The following PCM1 variants were observed in gnomAD, a reference collection of about 807,000 sequenced individuals.
The protein encoded by PCM1 is pericentriolar material 1 protein.
PCM1 carries 157 observed loss-of-function variants against 241.9 expected under a neutral mutation model. The ratio of observed to expected loss-of-function variants is 0.65; its 90% CI spans 0.57 to 0.74. The LOEUF is 0.74. Ranked by LOEUF, PCM1 falls within the 30% of genes least tolerant of loss-of-function variation. The pLI is 0.00. For synonymous variants in PCM1, 1,085 were observed against 784.9 expected, an observed-to-expected ratio of 1.38 and a Z score of -6.39; for missense variants, 3,478 against 2,360.1, an observed-to-expected ratio of 1.47 and a Z score of -9.81.
Position 17,955,460 on chromosome 8 carries a change from C to A in PCM1, c.1289-10C>A, listed in dbSNP as rs374339006. ...TTAAAAAAAATTTTTTGTTGTTGTGCCTTCTTCAGCCTCTCCACAAAGGAG... is the reference window on the plus strand; with the variant it reads ...TTAAAAAAAATTTTTTGTTGTTGTGACTTCTTCAGCCTCTCCACAAAGGAG... On this transcript the variant is annotated splice_polypyrimidine_tract_variant and intron_variant, in intron 9 of 38. Coordinates refer to ENST00000325083, the MANE Select transcript of PCM1 (RefSeq NM_006197.4). 6.4e-7 allele frequency: 1 copy of A among 1,554,080 alleles called. No homozygotes were observed. Among genetic ancestry groups the A allele is most frequent in the Non-Finnish European group, 8.7e-7 (1 of 1,151,608 alleles).
chr8:18,012,160 A>G (rs2092611235), intron 34 of PCM1, among the ~76,000 whole-genome samples: 1 of 152,108 alleles, frequency 6.6e-6, no homozygotes, highest in African/African-American at 2.4e-5. Context: ...ACACCCATCC[A>G]ATAATTTATA....
intron 13 of PCM1, among the ~76,000 whole-genome samples, chr8:17,958,247 G>T (rs1447487616): frequency 6.6e-6 from 1 of 152,104 alleles, no homozygotes; most frequent in African/African-American, 2.4e-5. Context: ...TTATATGACT[G>T]TCCAATCCAG....
chr8:17,944,309 C>T (rs1014651275), intron 6 of PCM1, among the ~76,000 whole-genome samples: 1 of 152,084 alleles, frequency 6.6e-6, no homozygotes, highest in Non-Finnish European at 1.5e-5. Context: ...ACCTGATTTC[C>T]CTTAACTGTG....
intron 30 of PCM1, among the ~76,000 whole-genome samples, chr8:18,008,658 CTAAT>C (rs1475252215): frequency 6.6e-6 from 1 of 152,084 alleles, no homozygotes; most frequent in Non-Finnish European, 1.5e-5. Flanking sequence ...TTACAACAGT[CTAAT>C]TAGTTGAGGT....
In PCM1 at chr8:18,014,624, T is replaced by G. The variant is rs147450536; in HGVS notation, c.5625T>G (p.Asn1875Lys). The stretch of plus-strand genomic sequence containing the variant: ...GTCCTGTGAAACCCTGTTACCTCAA[T>G]ATCTTGGAAGATGAGCAACCTTTAA... ...NNCPVKPCYLNILEDEQPLNS... is the reference protein window; with the variant it reads ...NNCPVKPCYLKILEDEQPLNS... The change falls in exon 36 of 39, where the codon AAT becomes AAG. Residue 1875 changes from asparagine (N) to lysine (K), a missense_variant. Physicochemically the swap from Asn to Lys is moderately conservative, Grantham distance 94. Coordinates refer to ENST00000325083, the MANE Select transcript of PCM1 (RefSeq NM_006197.4). 1,347 of 1,613,020 alleles carry G rather than the reference T, an allele frequency of 8.4e-4. 7 individuals are homozygous for G. The African/African-American group carries it at 0.014, about 17-fold the overall frequency.
chr8:17,938,991 T>G lies in PCM1; in HGVS notation c.594T>G (p.Pro198=), dbSNP rs985959329. 3.7e-6 allele frequency: 6 copies of G among 1,613,574 alleles called. No homozygotes were observed. The African/African-American group carries it at 8.0e-5, about 22-fold the overall frequency. ...CTGAAGAAGATGGGAGGGGAGAACCTGCAATGGAGAGCAGCCAGGTGATAA... is the reference window on the plus strand; with the variant it reads ...CTGAAGAAGATGGGAGGGGAGAACCGGCAATGGAGAGCAGCCAGGTGATAA... ...QVSEEDGRGE[P]AMESSQIVSR... The change falls in exon 5 of 39, where the codon CCT becomes CCG. Residue 198 remains proline (P), a synonymous_variant. Coordinates refer to ENST00000325083, the MANE Select transcript of PCM1 (RefSeq NM_006197.4).
chr8:17,966,352 C>T lies in PCM1; in HGVS notation c.3100C>T (p.Leu1034Phe). The change falls in exon 20 of 39, where the codon CTT becomes TTT. Residue 1034 changes from leucine to phenylalanine, a missense_variant. Leu to Phe is a conservative substitution (Grantham distance 22). Transcript: ENST00000325083. ...QQTLSCLLQTLLTGPYSVMPS... is the reference protein window; with the variant it reads ...QQTLSCLLQTFLTGPYSVMPS... The stretch of plus-strand genomic sequence containing the variant: ...GACTCTATCTTGTCTGCTACAAACT[C>T]TTCTCACGGGTCCTTACAGTGTTAT... 1 of 1,613,852 alleles carries T rather than the reference C, an allele frequency of 6.2e-7. No individual in the cohort carries two copies.
At chr8:17,935,823 T>C in intron 3 of PCM1, 117 bp downstream of exon 3, 1 of 584,546 alleles carries the variant, frequency 1.7e-6, no homozygotes, top group South Asian at 2.5e-5. Context: ...GCCAAGACAT[T>C]AAGGGACCCT....
In PCM1 at chr8:17,935,655, G is replaced by C. The variant is rs2060200058; in HGVS notation, c.45G>C (p.Gln15His). ...CCTTTGAAGATGGCATGAATGATCA[G>C]GATTTACCAAACTGGAGTAATGAGA... is the stretch of plus-strand genomic sequence containing the variant. Reference protein sequence around the residue: ...GGPFEDGMNDQDLPNWSNENV... With the variant: ...GGPFEDGMNDHDLPNWSNENV... Residue 15 changes from glutamine to histidine, a missense_variant, in exon 3 of 39, where the codon CAG becomes CAC. Transcript: ENST00000325083. The C allele has an allele frequency of 1.3e-6, 2 of 1,570,194 alleles. No individual in the cohort carries two copies. Among genetic ancestry groups the C allele is most frequent in the South Asian group, 2.2e-5 (2 of 89,956 alleles).
intron 24 of PCM1, among the ~76,000 whole-genome samples, chr8:17,983,000 A>G (rs1363729000): frequency 6.6e-6 from 1 of 152,216 alleles, no homozygotes; most frequent in African/African-American, 2.4e-5. Context: ...AATGAATGAT[A>G]GAAGTTTATT....
chr8:17,962,101 C>T lies in PCM1; in HGVS notation c.2390C>T (p.Thr797Ile), dbSNP rs756563788. ...ATGCCAGCTGTTACTTCAACCCCAA[C>T]TGTTAATCAACACGAGACCAGTACA... ...KYMPAVTSTP[T>I]VNQHETSTSK... Residue 797 changes from threonine (T) to isoleucine (I), a missense_variant, in exon 16 of 39, where the codon ACT becomes ATT. Coordinates refer to ENST00000325083, the MANE Select transcript of PCM1 (RefSeq NM_006197.4). The T allele has an allele frequency of 4.9e-5, 79 of 1,611,586 alleles. No homozygotes were observed. The highest frequency in any genetic ancestry group is 1.6e-4 in the Middle Eastern group (1 of 6,078).
chr8:18,013,882 C>G, intron 34 of PCM1, 82 bp from the exon 35 acceptor site: 2 of 807,420 alleles, frequency 2.5e-6, no homozygotes, highest in Non-Finnish European at 3.9e-6. Context: ...TTGGGTTGGA[C>G]AAAAACTACA....
At position 18,027,736 on chromosome 8, in the gene PCM1, T is replaced by A. The variant is rs1370179217; in HGVS notation, c.*74T>A. The A allele has an allele frequency of 9.5e-7, 1 of 1,056,942 alleles. No individual in the cohort carries two copies. Among genetic ancestry groups the A allele is most frequent in the Non-Finnish European group, 1.4e-6 (1 of 714,700 alleles). The allele number at this position is 1,056,942 out of a possible 1,614,324, so 65.5% of individuals were successfully genotyped here. Reference sequence around the variant, plus strand: ...ATATGAAAACAATACTAAATAAACATCTGATCTGTATAAAAATGTAAATTA... The same window carrying A: ...ATATGAAAACAATACTAAATAAACAACTGATCTGTATAAAAATGTAAATTA... On this transcript the variant is annotated 3_prime_UTR_variant, in exon 39 of 39. Transcript: ENST00000325083.
intron 21 of PCM1, among the ~76,000 whole-genome samples, chr8:17,967,715 G>A (rs2075424371): frequency 6.6e-6 from 1 of 152,228 alleles, no homozygotes; most frequent in Non-Finnish European, 1.5e-5. Flanking sequence ...AAGAGAACCT[G>A]TTCAATGGCT....
intron 1 of PCM1, among the ~76,000 whole-genome samples, chr8:17,923,967 C>A (rs191856134): frequency 6.0e-4 from 91 of 151,788 alleles, no homozygotes; most frequent in Admixed American, 1.2e-3. Context: ...CAGCCTACTC[C>A]CCAGGAACTC....
intron 26 of PCM1, among the ~76,000 whole-genome samples, chr8:17,986,907 G>A (rs1271865675): frequency 6.6e-6 from 1 of 151,816 alleles, no homozygotes; most frequent in East Asian, 1.9e-4. Flanking sequence ...TCTGCCTTTT[G>A]TTGAAGTGTT....
intron 4 of PCM1, among the ~76,000 whole-genome samples, chr8:17,937,583 G>A (rs1385925522): frequency 1.3e-5 from 2 of 152,136 alleles, no homozygotes; most frequent in African/African-American, 4.8e-5. Flanking sequence ...ACTTGCTAAA[G>A]ACATGCATTT....
chr8:17,957,410 C>G lies in PCM1; in HGVS notation c.1793C>G (p.Pro598Arg), dbSNP rs746132829. 8.1e-6 allele frequency: 13 copies of G among 1,612,280 alleles called. No individual in the cohort carries two copies. Among genetic ancestry groups the G allele is most frequent in the South Asian group, 1.1e-5 (1 of 91,036 alleles). ...SAANIRALNM[P>R]PSLDCRYNRE... ...GCCAACATAAGGGCTCTAAACATGCCTCCTTCTTTAGGTATGACTGACTGT... is the reference window on the plus strand; with the variant it reads ...GCCAACATAAGGGCTCTAAACATGCGTCCTTCTTTAGGTATGACTGACTGT... The change falls in exon 12 of 39, where the codon CCT becomes CGT. Residue 598 changes from proline to arginine, a missense_variant. Transcript: ENST00000325083.
rs1396353530 is a variant in PCM1 at position 17,949,698 on chromosome 8, T to C, written c.962-917T>C. Among the ~76,000 whole-genome samples, 4 of 152,272 alleles carry C rather than the reference T, an allele frequency of 2.6e-5. No individual in the cohort carries two copies. In the South Asian group the frequency reaches 6.2e-4, roughly 24 times the overall value. ...GTTTTGTAGAGATGGGGTCTCACTG[T>C]GGTGCCCAGGCTGGTCTTGAACTCC... On this transcript the variant is annotated intron_variant, in intron 7 of 38. Coordinates refer to ENST00000325083, the MANE Select transcript of PCM1 (RefSeq NM_006197.4).
Sources: gnomAD v4.1 joint callset for allele counts (sites outside exome capture counted in the v4.1 genomes callset) on GRCh38, gnomAD v4.1.1 for gene constraint, MANE v1.5 for transcripts, NCBI Gene and HGNC (gene_info 2026-07-23, HGNC 2026-07-21) for gene names.